The following ZNF536 variants were observed in gnomAD, a reference collection of about 807,000 sequenced individuals.
ZNF536 encodes zinc finger protein 536.
Under a neutral mutation model 84.5 loss-of-function variants are expected in ZNF536, and 13 were observed. The ratio of observed to expected loss-of-function variants is 0.15; its 90% CI spans 0.10 to 0.24. The LOEUF (loss-of-function observed/expected upper bound fraction) is 0.24, where lower values mean the gene tolerates loss of function less well. Ranked by LOEUF, ZNF536 falls within the 10% of genes least tolerant of loss-of-function variation. The probability of loss-of-function intolerance (pLI) is 1.00; values close to 1 mark genes in which losing one functional copy is unlikely to be tolerated. For missense variants in ZNF536, 1,536 were observed against 1,747.5 expected, an observed-to-expected ratio of 0.88 and a Z score of 2.16; for synonymous variants, 811 against 742.5, an observed-to-expected ratio of 1.09 and a Z score of -1.50.
At position 30,393,790 on chromosome 19, in the gene ZNF536, G is replaced by A. The variant is rs188119794; in HGVS notation, c.-3+21234G>A. Reference sequence around the variant, plus strand: ...CTGAGCTGGAGAGAAAGATTGAGGCGACGCCACAGAGGCCTTGATGAAGGA... The same window carrying A: ...CTGAGCTGGAGAGAAAGATTGAGGCAACGCCACAGAGGCCTTGATGAAGGA... On this transcript the variant is annotated intron_variant, in intron 1 of 4. Coordinates refer to ENST00000355537, the MANE Select transcript of ZNF536 (RefSeq NM_014717.3). 2.2e-4 allele frequency among the ~76,000 whole-genome samples: 33 copies of A among 152,306 alleles called. No homozygotes were observed. The East Asian group carries it at 5.8e-3, about 27-fold the overall frequency.
At chr19:30,320,006 A>C (rs1039102393) in intron 2 of ZNF536, among the ~76,000 whole-genome samples, 2 of 152,208 alleles carry the variant, frequency 1.3e-5, no homozygotes, top group Non-Finnish European at 2.9e-5. Context: ...GACTGTATGC[A>C]ATTTAGATTA....
At chr19:30,324,927 G>A (rs551744311) in intron 2 of ZNF536, among the ~76,000 whole-genome samples, 1 of 152,282 alleles carries the variant, frequency 6.6e-6, no homozygotes, top group South Asian at 2.1e-4. Flanking sequence ...AGTCCTGTGT[G>A]ACACCTTCTA....
chr19:30,239,992 G>A (rs2023821071), intron 1 of ZNF536, among the ~76,000 whole-genome samples: 1 of 152,194 alleles, frequency 6.6e-6, no homozygotes, highest in Non-Finnish European at 1.5e-5. Flanking sequence ...TCAGGGAGGT[G>A]TACCTGGACT....
intron 1 of ZNF536, among the ~76,000 whole-genome samples, chr19:30,566,165 C>G (rs1017342907): frequency 6.6e-6 from 1 of 152,198 alleles, no homozygotes; most frequent in African/African-American, 2.4e-5. Context: ...GGCTCCTAAC[C>G]CTGCCCCACA....
chr19:30,691,162 C>T (rs2147906339), intron 1 of ZNF536, among the ~76,000 whole-genome samples: 1 of 152,274 alleles, frequency 6.6e-6, no homozygotes, highest in Middle Eastern at 3.4e-3. Flanking sequence ...GCAAATCAGA[C>T]CGCTGACCAG....
intron 1 of ZNF536, among the ~76,000 whole-genome samples, chr19:30,437,778 G>A (rs1021723392): frequency 5.3e-5 from 8 of 152,196 alleles, no homozygotes; most frequent in African/African-American, 1.9e-4. Flanking sequence ...GCCTTTAACT[G>A]TCCAGCCTCG....
chr19:30,470,063 G>A (rs1213001182), intron 2 of ZNF536, among the ~76,000 whole-genome samples: 2 of 152,238 alleles, frequency 1.3e-5, no homozygotes, highest in South Asian at 2.1e-4. Flanking sequence ...TCAAGCTGCC[G>A]TGGACAGCCT....
At chr19:30,360,250 G>T (rs938157835) in intron 3 of ZNF536, among the ~76,000 whole-genome samples, 2 of 152,212 alleles carry the variant, frequency 1.3e-5, no homozygotes, top group Admixed American at 1.3e-4. Context: ...GCCCCTGCCC[G>T]GCTCCCTTGA....
chr19:30,432,774 A>AGAAGGTGTGTACAGTTTT (rs1175904154), intron 1 of ZNF536, among the ~76,000 whole-genome samples: 2 of 152,196 alleles, frequency 1.3e-5, no homozygotes. Context: ...GCGCATAGAC[A>AGAAGGTGTGTACAGTTTT]GAAGGTGTGT....
At chr19:30,612,875 CT>C (rs2048150079) in intron 1 of ZNF536, among the ~76,000 whole-genome samples, 1 of 152,216 alleles carries the variant, frequency 6.6e-6, no homozygotes, top group South Asian at 2.1e-4. Context: ...TGTCCTTTCT[CT>C]GGGCCAGGGT....
In ZNF536 at chr19:30,640,347, T is replaced by C. The variant is rs143923968; in HGVS notation, c.170-70410T>C. On this transcript the variant is annotated intron_variant, in intron 1 of 1. Transcript: ENST00000592773. ...GTGCTCAATAAGACAGTTGATTTGT[T>C]ACAGGCTCTTTTACTATAGCCAGAA... Among the ~76,000 whole-genome samples, 332 of 152,340 alleles carry C rather than the reference T, an allele frequency of 2.2e-3. 1 individual carries two copies. The highest frequency in any genetic ancestry group is 7.5e-3 in the African/African-American group (313 of 41,578).
intron 1 of ZNF536, among the ~76,000 whole-genome samples, chr19:30,709,081 C>T (rs1024965378): frequency 1.3e-5 from 2 of 152,136 alleles, no homozygotes; most frequent in African/African-American, 4.8e-5. Flanking sequence ...AGAATAACTT[C>T]CCCAGCCAGA....
chr19:30,529,068 T>C (rs995134002), intron 2 of ZNF536, among the ~76,000 whole-genome samples: 1 of 152,014 alleles, frequency 6.6e-6, no homozygotes, highest in African/African-American at 2.4e-5. Flanking sequence ...CTTGGGATAG[T>C]TGGATATTAG....
At chr19:30,597,625 T>G (rs919786) in intron 1 of ZNF536, among the ~76,000 whole-genome samples, 2 of 152,184 alleles carry the variant, frequency 1.3e-5, no homozygotes, top group Non-Finnish European at 2.9e-5. Flanking sequence ...CTTGCTGTCT[T>G]GGTTTCTAAA....
intron 2 of ZNF536, among the ~76,000 whole-genome samples, chr19:30,463,739 A>T (rs77080889): frequency 0.011 from 1,650 of 152,252 alleles, 34 homozygotes; most frequent in African/African-American, 0.038. Context: ...AATTTACAGC[A>T]CAGGGCCTGC....
At chr19:30,338,159 ATGATGATGATAGTGG>A (rs2047444072) in intron 2 of ZNF536, among the ~76,000 whole-genome samples, 1 of 151,228 alleles carries the variant, frequency 6.6e-6, no homozygotes, top group African/African-American at 2.4e-5. Context: ...GATGATTGTG[ATGATGATGATAGTGG>A]TGATGATGGT....
At chr19:30,410,641 AT>A (rs1180199838) in intron 1 of ZNF536, among the ~76,000 whole-genome samples, 38 of 150,172 alleles carry the variant, frequency 2.5e-4, no homozygotes, top group African/African-American at 7.4e-4. Flanking sequence ...CGCCCGGCTA[AT>A]TTTTTTTTGT....
chr19:30,709,645 G>A (rs2052383466), intron 1 of ZNF536, among the ~76,000 whole-genome samples: 1 of 152,172 alleles, frequency 6.6e-6, no homozygotes, highest in Admixed American at 6.6e-5. Context: ...CTTTGTGTTT[G>A]TGAAAGGGTC....
chr19:30,360,221 T>C (rs13345373), intron 3 of ZNF536, among the ~76,000 whole-genome samples: 2,777 of 152,356 alleles, frequency 0.018, 77 homozygotes, highest in African/African-American at 0.06. Flanking sequence ...GGCTCGGCTC[T>C]GGGCCTCACC....
Sources: allele counts gnomAD v4.1 joint callset (sites outside exome capture counted in the v4.1 genomes callset), GRCh38; gene constraint gnomAD v4.1.1; transcripts MANE v1.5; gene names NCBI Gene and HGNC (gene_info 2026-07-23, HGNC 2026-07-21).